Variants in ABCB5 observed in about 807,000 individuals in gnomAD.
ABCB5 encodes ATP-binding cassette sub-family B member 5.
A neutral mutation model predicts 144.2 loss-of-function variants in ABCB5; 155 were observed. That is an observed-to-expected ratio of 1.08 (90% CI 0.94 to 1.23). ABCB5 has a LOEUF of 1.23. Among genes scored for constraint, ABCB5 ranks in the 50% most tolerant of loss-of-function variants. ABCB5 has a pLI of 0.00. For synonymous variants in ABCB5, 610 were observed against 528.6 expected (o/e 1.15, Z -2.11); for missense variants, 1,830 against 1,520.8 (o/e 1.20, Z -3.38).
chr7:20,644,404 TC>T (rs1784359833), intron 7 of ABCB5, among the ~76,000 whole-genome samples: 4 of 152,202 alleles, frequency 2.6e-5, no homozygotes. Flanking sequence ...AGTAAGGCTT[TC>T]AATTACATTT....
At chr7:20,689,911 C>T (rs1786156312) in intron 16 of ABCB5, among the ~76,000 whole-genome samples, 1 of 152,144 alleles carries the variant, frequency 6.6e-6, no homozygotes, top group Admixed American at 6.5e-5. Flanking sequence ...GCATGAGGGC[C>T]TGGATTTGGG....
rs1331296798 is a variant in ABCB5 at position 20,645,990 on chromosome 7, A to T, written c.833A>T (p.Asp278Val). The T allele has an allele frequency of 2.0e-5, 32 of 1,613,642 alleles. No individual in the cohort carries two copies. Among genetic ancestry groups the T allele is most frequent in the Non-Finnish European group, 1.9e-5 (23 of 1,179,786 alleles). ...RYTQNLKDAK[D>V]FGIKRTIASK... Reference sequence around the variant, plus strand: ...ACACAGAATCTCAAAGATGCAAAGGATTTTGGCATAAAAAGGACTATAGCT... The same window carrying T: ...ACACAGAATCTCAAAGATGCAAAGGTTTTTGGCATAAAAAGGACTATAGCT... The change falls in exon 9 of 28, where the codon GAT becomes GTT. Residue 278 changes from aspartate (D) to valine (V), a missense_variant. By Grantham distance (152) the Asp-to-Val change is radical (BLOSUM62 -3). Coordinates refer to ENST00000404938, the MANE Select transcript of ABCB5 (RefSeq NM_001163941.2).
chr7:20,643,545 A>G lies in ABCB5; in HGVS notation c.591A>G (p.Ala197=). The stretch of plus-strand genomic sequence containing the variant: ...TGTCTACTTTTTCGATTGGCCTGGC[A>G]GTTGGTTTGGTGAAGGGCTGGAAAC... The part of the protein sequence containing the change: ...QNMSTFSIGL[A]VGLVKGWKLT... Residue 197 remains alanine (A), a synonymous_variant, in exon 7 of 28, where the codon GCA becomes GCG. Coordinates refer to ENST00000404938, the MANE Select transcript of ABCB5 (RefSeq NM_001163941.2). The G allele has an allele frequency of 6.2e-7, 1 of 1,613,980 alleles. No homozygotes were observed.
chr7:20,674,725 T>C (rs1785549864), intron 14 of ABCB5, among the ~76,000 whole-genome samples: 1 of 145,460 alleles, frequency 6.9e-6, no homozygotes, highest in Non-Finnish European at 1.5e-5. Flanking sequence ...TCATATGATC[T>C]TAAAATTTGA....
chr7:20,704,285 C>T (rs1383522243), intron 19 of ABCB5, among the ~76,000 whole-genome samples: 1 of 151,902 alleles, frequency 6.6e-6, no homozygotes, highest in Non-Finnish European at 1.5e-5. Flanking sequence ...CCATGTTGGC[C>T]AGGCTGGTCT....
rs763820363 is a variant in ABCB5, at chr7:20,658,615, A to G, written c.1646A>G (p.Asp549Gly). 9.9e-6 allele frequency: 16 copies of G among 1,614,220 alleles called. No individual in the cohort carries two copies. The highest frequency in any genetic ancestry group is 5.5e-5 in the South Asian group (5 of 91,084). Residue 549 changes from aspartate to glycine, a missense_variant, in exon 14 of 28, where the codon GAT becomes GGT. Physicochemically the swap from Asp to Gly is moderately conservative, Grantham distance 94. Transcript: ENST00000404938. ...CGAAACCCCAAGATTCTGATTTTAG[A>G]TGAGGCTACGTCTGCCCTGGATTCA... ...LVRNPKILIL[D>G]EATSALDSES...
intron 5 of ABCB5, among the ~76,000 whole-genome samples, chr7:20,632,771 A>G (rs1380265896): frequency 6.6e-6 from 1 of 151,860 alleles, no homozygotes; most frequent in Non-Finnish European, 1.5e-5. Flanking sequence ...GCAAAAAAAC[A>G]AACACCGCAT....
At chr7:20,620,596 C>T (rs1014863844) in intron 1 of ABCB5, among the ~76,000 whole-genome samples, 9 of 151,376 alleles carry the variant, frequency 5.9e-5, no homozygotes, top group African/African-American at 2.0e-4. Context: ...TTTGAATAGA[C>T]ATTTCTTCAC....
chr7:20,745,052 C>T (rs1391276323), intron 25 of ABCB5, among the ~76,000 whole-genome samples, 180 bp from the exon 26 acceptor site: 3 of 152,194 alleles, frequency 2.0e-5, no homozygotes, highest in Non-Finnish European at 4.4e-5. Flanking sequence ...TAGTGAGTTA[C>T]ACGCTGTTTG....
chr7:20,717,883 CTTTTTTTTTTTTTTTTT>C (rs574592723), intron 20 of ABCB5, among the ~76,000 whole-genome samples: 57 of 43,274 alleles, frequency 1.3e-3, no homozygotes, highest in Admixed American at 4.0e-3. Context: ...TTGTAACATT[CTTTTTTTTTTTTTTTTT>C]TTTTTTTTTT....
chr7:20,698,622 C>A, intron 17 of ABCB5, 72 bp downstream of exon 17: 1 of 1,408,992 alleles, frequency 7.1e-7, no homozygotes, highest in South Asian at 1.4e-5. Context: ...AAGCTTGTAT[C>A]AGTCTAAACC....
chr7:20,625,981 A>G (rs935981082), intron 2 of ABCB5, among the ~76,000 whole-genome samples: 18 of 152,204 alleles, frequency 1.2e-4, no homozygotes, highest in African/African-American at 4.1e-4. Flanking sequence ...ACCTACTACA[A>G]TGTGGATGAA....
At chr7:20,663,330 G>A (rs1176642756) in intron 14 of ABCB5, among the ~76,000 whole-genome samples, 1 of 152,152 alleles carries the variant, frequency 6.6e-6, no homozygotes, top group Non-Finnish European at 1.5e-5. Flanking sequence ...TAGCCAAAAG[G>A]TGAAAACAAT....
chr7:20,629,457 C>T (rs1025454367), intron 4 of ABCB5, among the ~76,000 whole-genome samples: 1 of 152,130 alleles, frequency 6.6e-6, no homozygotes, highest in South Asian at 2.1e-4. Context: ...GGATGTAACA[C>T]ATCCTTTAAA....
intron 9 of ABCB5, chr7:20,647,325 G>A: frequency 7.6e-7 from 1 of 1,315,826 alleles, no homozygotes; most frequent in Non-Finnish European, 9.6e-7. Context: ...AAGGATACTT[G>A]GATTAATCTG....
chr7:20,738,519 T>C (rs1340542457), intron 23 of ABCB5, among the ~76,000 whole-genome samples: 3 of 152,198 alleles, frequency 2.0e-5, no homozygotes, highest in African/African-American at 7.2e-5. Context: ...ATCAGACAGA[T>C]AACCAGTCAT....
chr7:20,630,356 A>T (rs1322406659), intron 4 of ABCB5, among the ~76,000 whole-genome samples: 1 of 152,014 alleles, frequency 6.6e-6, no homozygotes, highest in Non-Finnish European at 1.5e-5. Context: ...TACCTAAATT[A>T]TACCTTCTTG....
chr7:20,646,161 G>A, intron 9 of ABCB5, 23 bp downstream of exon 9: 2 of 1,599,396 alleles, frequency 1.3e-6, no homozygotes, highest in Non-Finnish European at 8.5e-7. Flanking sequence ...TGAGAACAAG[G>A]TGTCAGGCCT....
At chr7:20,729,192 C>T (rs17143308) in intron 23 of ABCB5, among the ~76,000 whole-genome samples, 11,217 of 152,100 alleles carry the variant, frequency 0.074, 1,108 homozygotes, top group African/African-American at 0.23. Context: ...TGGTAAAATA[C>T]TGATACTGAT....
Sources: gnomAD v4.1 joint callset for allele counts (sites outside exome capture counted in the v4.1 genomes callset) on GRCh38, gnomAD v4.1.1 for gene constraint, MANE v1.5 for transcripts, NCBI Gene and HGNC (gene_info 2026-07-23, HGNC 2026-07-21) for gene names.